Variants in EPHB1 observed in about 807,000 individuals in gnomAD.
EPHB1 encodes the protein ephrin type-B receptor 1.
EPHB1 carries 30 observed loss-of-function variants against 94.4 expected under a neutral mutation model. The ratio of observed to expected loss-of-function variants is 0.32; its 90% CI spans 0.24 to 0.43. The LOEUF (loss-of-function observed/expected upper bound fraction) is 0.43. Ranked by LOEUF, EPHB1 falls within the 20% of genes least tolerant of loss-of-function variation. EPHB1 has a pLI of 1.00. For synonymous variants in EPHB1, 522 were observed against 489.1 expected, an observed-to-expected ratio of 1.07 and a Z score of -0.89; for missense variants, 1,055 against 1,308.3, an observed-to-expected ratio of 0.81 and a Z score of 2.99.
intron 1 of EPHB1, among the ~76,000 whole-genome samples, chr3:134,924,480 A>C (rs2038751429): frequency 6.6e-6 from 1 of 152,252 alleles, no homozygotes; most frequent in Admixed American, 6.5e-5. Context: ...TAAGTATGTG[A>C]CAAGATGTTT....
intron 4 of EPHB1, among the ~76,000 whole-genome samples, chr3:135,112,645 T>G (rs1576395013): frequency 6.7e-6 from 1 of 149,788 alleles, no homozygotes; most frequent in South Asian, 2.1e-4. Flanking sequence ...CGGTGTTTGG[T>G]TTTTTGTCCT....
intron 4 of EPHB1, among the ~76,000 whole-genome samples, chr3:135,107,716 G>T (rs1939275036): frequency 6.6e-6 from 1 of 152,116 alleles, no homozygotes; most frequent in South Asian, 2.1e-4. Context: ...GCCTTGTAGT[G>T]TATGTAACCT....
intron 3 of EPHB1, among the ~76,000 whole-genome samples, chr3:135,098,798 G>A (rs1295501680): frequency 3.9e-5 from 6 of 151,960 alleles, no homozygotes; most frequent in Non-Finnish European, 7.4e-5. Flanking sequence ...GATCATTTGT[G>A]GTCAGGTGCT....
At chr3:135,224,466 G>A (rs1559881358) in intron 12 of EPHB1, among the ~76,000 whole-genome samples, 1 of 152,120 alleles carries the variant, frequency 6.6e-6, no homozygotes, top group Non-Finnish European at 1.5e-5. Flanking sequence ...ATGTCCATCT[G>A]TTCCTTATTG....
chr3:134,886,543 C>A (rs2037866474), intron 1 of EPHB1, among the ~76,000 whole-genome samples: 1 of 152,186 alleles, frequency 6.6e-6, no homozygotes, highest in Non-Finnish European at 1.5e-5. Context: ...TCTATCGGAT[C>A]TATGGCACAG....
chr3:135,089,826 C>T (rs1242764106), intron 3 of EPHB1, among the ~76,000 whole-genome samples: 3 of 152,218 alleles, frequency 2.0e-5, no homozygotes, highest in Non-Finnish European at 4.4e-5. Context: ...TCCCTCTGAG[C>T]CTTCCCTGAG....
At chr3:134,868,279 C>T (rs1408715771) in intron 1 of EPHB1, among the ~76,000 whole-genome samples, 1 of 152,168 alleles carries the variant, frequency 6.6e-6, no homozygotes. Flanking sequence ...CAGTTAATCA[C>T]TTGTGCATAA....
chr3:134,837,234 T>C lies in EPHB1; in HGVS notation c.58+41545T>C, dbSNP rs551054095. On this transcript the variant is annotated intron_variant, in intron 1 of 15. Transcript: ENST00000398015. Reference sequence around the variant, plus strand: ...TTCTCTTTAAAATATTAAAATAATCTAATCTTTTAAGCATTACATAACTAA... The same window carrying C: ...TTCTCTTTAAAATATTAAAATAATCCAATCTTTTAAGCATTACATAACTAA... Among the ~76,000 whole-genome samples, 5 of 152,374 alleles carry C rather than the reference T, an allele frequency of 3.3e-5. No homozygotes were observed. The South Asian group carries it at 1.0e-3, about 32-fold the overall frequency.
intron 3 of EPHB1, among the ~76,000 whole-genome samples, chr3:135,097,898 A>G (rs1938865248): frequency 6.6e-6 from 1 of 152,046 alleles, no homozygotes. Context: ...ACTACTCTCA[A>G]AGTTTCCCCA....
intron 3 of EPHB1, among the ~76,000 whole-genome samples, chr3:135,006,465 A>G (rs1475808089): frequency 6.6e-6 from 1 of 152,374 alleles, no homozygotes; most frequent in East Asian, 1.9e-4. Context: ...AATGGTTAAA[A>G]TGATAAATAT....
Position 135,180,986 on chromosome 3 carries a change from G to T in EPHB1, c.1882+1004G>T, listed in dbSNP as rs1031235246. 2.0e-5 allele frequency among the ~76,000 whole-genome samples: 3 copies of T among 152,084 alleles called. No homozygotes were observed. The East Asian group carries it at 5.8e-4, about 29-fold the overall frequency. On this transcript the variant is annotated intron_variant, in intron 10 of 15. Transcript: ENST00000398015. ...TCATTATTGGGAAAGCCATGGAATT[G>T]CCTCTCTCAATAATATTTTAACTCA...
At chr3:135,114,321 A>G (rs1444450606) in intron 4 of EPHB1, among the ~76,000 whole-genome samples, 1 of 152,114 alleles carries the variant, frequency 6.6e-6, no homozygotes, top group Non-Finnish European at 1.5e-5. Flanking sequence ...GGCAAGTGAC[A>G]AAGCTTTTCT....
chr3:135,030,834 C>CT (rs1457307126), intron 3 of EPHB1, among the ~76,000 whole-genome samples: 1 of 152,208 alleles, frequency 6.6e-6, no homozygotes, highest in Non-Finnish European at 1.5e-5. Context: ...TCGCTGCCGC[C>CT]TTGCAGTTTG....
chr3:134,831,138 G>T (rs1560253470), intron 1 of EPHB1, among the ~76,000 whole-genome samples: 3 of 152,194 alleles, frequency 2.0e-5, no homozygotes, highest in Admixed American at 6.5e-5. Flanking sequence ...TGAATCATAA[G>T]GGGGCCATTC....
rs1034908198 is a variant in EPHB1 at position 135,141,042 on chromosome 3, T to A, written c.1297+7993T>A. Among the ~76,000 whole-genome samples the A allele has an allele frequency of 3.9e-5, 6 of 152,214 alleles. No homozygotes were observed. The South Asian group carries it at 1.2e-3, about 32-fold the overall frequency. On this transcript the variant is annotated intron_variant, in intron 5 of 15. Transcript: ENST00000398015. ...GCAAGGTAAACTCTTTGCCAATCCC[T>A]CAGGCCTCGGGATCAGTTTCCTTCT...
At chr3:135,082,989 G>T (rs1309213976) in intron 3 of EPHB1, among the ~76,000 whole-genome samples, 1 of 152,140 alleles carries the variant, frequency 6.6e-6, no homozygotes, top group Non-Finnish European at 1.5e-5. Flanking sequence ...CCGTGCGAGG[G>T]GCCTGAGCAA....
At chr3:135,039,561 C>T (rs889932027) in intron 3 of EPHB1, among the ~76,000 whole-genome samples, 15 of 152,224 alleles carry the variant, frequency 9.9e-5, no homozygotes, top group Admixed American at 1.3e-4. Context: ...CTGCAGGTCC[C>T]GAGCCCTGCC....
intron 5 of EPHB1, among the ~76,000 whole-genome samples, chr3:135,149,716 G>A (rs1057433834): frequency 2.0e-5 from 3 of 152,158 alleles, no homozygotes; most frequent in African/African-American, 4.8e-5. Context: ...AAATCCCATC[G>A]TAATAAAATG....
chr3:135,097,282 C>G (rs1233370133), intron 3 of EPHB1, among the ~76,000 whole-genome samples: 1 of 148,914 alleles, frequency 6.7e-6, no homozygotes, highest in Non-Finnish European at 1.5e-5. Context: ...TGCTTTATGG[C>G]TATCCTCACT....
Sources: allele counts gnomAD v4.1 joint callset (sites outside exome capture counted in the v4.1 genomes callset), GRCh38; gene constraint gnomAD v4.1.1; transcripts MANE v1.5; gene names NCBI Gene and HGNC (gene_info 2026-07-23, HGNC 2026-07-21).